SLC71A2: variants seen among roughly 807,000 people sequenced by gnomAD.
SLC71A2 encodes the protein hippocampus abundant transcript-like 1.
At chr9:94,421,982 C>T in the SLC71A2 span, among the ~76,000 whole-genome samples, 6 of 152,090 alleles carry the variant, frequency 3.9e-5, no homozygotes, top group Non-Finnish European at 5.9e-5. Flanking sequence ...TGCGCTATCT[C>T]GGCTCACAGC....
At chr9:94,383,627 T>TA in the SLC71A2 span, among the ~76,000 whole-genome samples, 1 of 152,210 alleles carries the variant, frequency 6.6e-6, no homozygotes, top group African/African-American at 2.4e-5. Context: ...TGTTATTTTT[T>TA]AAAGTCGTTT....
the SLC71A2 span, among the ~76,000 whole-genome samples, chr9:94,378,930 G>A: frequency 6.7e-6 from 1 of 149,918 alleles, no homozygotes; most frequent in Non-Finnish European, 1.5e-5. Flanking sequence ...AACAGCGTAG[G>A]TTTTCTGTTT....
chr9:94,422,081 G>T, the SLC71A2 span, among the ~76,000 whole-genome samples: 2 of 152,146 alleles, frequency 1.3e-5, no homozygotes, highest in Admixed American at 1.3e-4. Context: ...ATGGGGTTTC[G>T]CCATGTTGGC....
chr9:94,431,204 T>G, the SLC71A2 span, among the ~76,000 whole-genome samples: 1 of 151,410 alleles, frequency 6.6e-6, no homozygotes, highest in African/African-American at 2.4e-5. Context: ...TCCCAGCTAC[T>G]GGGGAGGCTG....
the SLC71A2 span, among the ~76,000 whole-genome samples, chr9:94,406,378 T>C: frequency 6.6e-6 from 1 of 152,174 alleles, no homozygotes; most frequent in Non-Finnish European, 1.5e-5. Flanking sequence ...TAGCTGGGAT[T>C]ACAGGCAGGC....
At chr9:94,442,855 A>AG in the SLC71A2 span, among the ~76,000 whole-genome samples, 1 of 151,804 alleles carries the variant, frequency 6.6e-6, no homozygotes, top group East Asian at 1.9e-4. Context: ...CAAAAAAAAA[A>AG]ATGTCCCCCA....
At chr9:94,387,348 C>CT in the SLC71A2 span, among the ~76,000 whole-genome samples, 3 of 152,210 alleles carry the variant, frequency 2.0e-5, no homozygotes, top group African/African-American at 7.2e-5. Context: ...GGCAGAATAA[C>CT]TAAGCACCTA....
At chr9:94,451,405 A>C in the SLC71A2 span, 3,769 of 885,072 alleles carry the variant, frequency 4.3e-3, 26 homozygotes, top group Non-Finnish European at 4.6e-3. Flanking sequence ...AATATTTCTT[A>C]TTATTTTATA....
the SLC71A2 span, among the ~76,000 whole-genome samples, chr9:94,389,780 A>AT: frequency 1.1e-4 from 17 of 150,052 alleles, no homozygotes; most frequent in Admixed American, 5.3e-4. Flanking sequence ...CTAATTTGTT[A>AT]TTTTTTTTGC....
chr9:94,453,617 ATTTAAGTG>A, the SLC71A2 span, among the ~76,000 whole-genome samples: 1 of 152,236 alleles, frequency 6.6e-6, no homozygotes, highest in Non-Finnish European at 1.5e-5. Flanking sequence ...ATTCACAGAT[ATTTAAGTG>A]ATTAGTATTT....
the SLC71A2 span, among the ~76,000 whole-genome samples, chr9:94,387,827 A>T: frequency 6.6e-6 from 1 of 152,216 alleles, no homozygotes; most frequent in Non-Finnish European, 1.5e-5. Context: ...CTCCGTGCCT[A>T]AATAGCTCCC....
the SLC71A2 span, among the ~76,000 whole-genome samples, chr9:94,457,393 G>T: frequency 2.0e-4 from 22 of 110,784 alleles, no homozygotes; most frequent in Admixed American, 7.4e-4. Context: ...ATGCCTAAGA[G>T]CCCTTTTTTT....
the SLC71A2 span, among the ~76,000 whole-genome samples, chr9:94,442,655 A>C: frequency 6.6e-6 from 1 of 151,098 alleles, no homozygotes. Flanking sequence ...AATCGAGACC[A>C]TCCTGGCCAA....
chr9:94,449,578 A>T, the SLC71A2 span, among the ~76,000 whole-genome samples: 1 of 152,240 alleles, frequency 6.6e-6, no homozygotes, highest in East Asian at 1.9e-4. Context: ...TATCAAAAAG[A>T]CAGACAAGGA....
At chr9:94,385,040 TCTC>T in the SLC71A2 span, among the ~76,000 whole-genome samples, 22 of 151,770 alleles carry the variant, frequency 1.4e-4, no homozygotes, top group Admixed American at 5.3e-4. Context: ...CTCTTGAACT[TCTC>T]CTCCTCCAGA....
At chr9:94,396,213 A>G in the SLC71A2 span, among the ~76,000 whole-genome samples, 135 of 148,800 alleles carry the variant, frequency 9.1e-4, 2 homozygotes, top group South Asian at 0.023. Flanking sequence ...GTTGGGTTCT[A>G]TTTATTCAAA....
At chr9:94,444,422 A>G in the SLC71A2 span, among the ~76,000 whole-genome samples, 1 of 152,348 alleles carries the variant, frequency 6.6e-6, no homozygotes, top group African/African-American at 2.4e-5. Context: ...TTTTTTTCTA[A>G]GAATAGCAGA....
At chr9:94,375,336 C>G in the SLC71A2 span, among the ~76,000 whole-genome samples, 1 of 151,794 alleles carries the variant, frequency 6.6e-6, no homozygotes, top group Admixed American at 6.6e-5. Flanking sequence ...CTTGCTGCTC[C>G]TTCCGTGTTC....
At chr9:94,415,569 C>T in the SLC71A2 span, among the ~76,000 whole-genome samples, 1 of 152,020 alleles carries the variant, frequency 6.6e-6, no homozygotes, top group Non-Finnish European at 1.5e-5. Context: ...TTTTTTAGCA[C>T]TAGGGACTGG....
Sources: gnomAD v4.1 joint callset for allele counts (sites outside exome capture counted in the v4.1 genomes callset) on GRCh38, gnomAD v4.1.1 for gene constraint, MANE v1.5 for transcripts, NCBI Gene and HGNC (gene_info 2026-07-23, HGNC 2026-07-21) for gene names.